The following DVL3 variants were observed in gnomAD, a reference collection of about 807,000 sequenced individuals.
DVL3 encodes segment polarity protein dishevelled homolog DVL-3.
Under a neutral mutation model 67.4 loss-of-function variants are expected in DVL3, and 27 were observed. The observed-to-expected ratio is 0.40, with a 90% CI of 0.30 to 0.55. The LOEUF (loss-of-function observed/expected upper bound fraction) is 0.55. Among genes scored for constraint, DVL3 ranks in the 20% least tolerant of loss-of-function variants. The pLI, the probability that DVL3 is intolerant of heterozygous loss-of-function variation, is 0.46. For missense variants in DVL3, 819 were observed against 1,021.5 expected (o/e 0.80, Z 2.70); for synonymous variants, 369 against 396.8 (o/e 0.93, Z 0.83).
In DVL3 at chr3:184,155,623, C is replaced by G. The variant is rs747786917; in HGVS notation, c.-13C>G. ...CAGGCCGCGCGCGGGCCGCCGGGCC[C>G]GAGGCCAGAGCCATGGGCGAGACCA... On this transcript the variant is annotated 5_prime_UTR_variant, in exon 1 of 15. Coordinates refer to ENST00000313143, the MANE Select transcript of DVL3 (RefSeq NM_004423.4). This position sits in a 1 kb window ranked among gnomAD's most constrained non-coding sequence, Gnocchi z 5.4. 7.8e-6 allele frequency: 11 copies of G among 1,409,456 alleles called. No individual in the cohort carries two copies. In the Admixed American group the frequency reaches 1.2e-4, roughly 16 times the overall value. The allele number at this position is 1,409,456 out of a possible 1,614,324, so 87.3% of individuals were successfully genotyped here.
chr3:184,162,695 G>A (rs1355380666), intron 1 of DVL3, among the ~76,000 whole-genome samples: 1 of 151,928 alleles, frequency 6.6e-6, no homozygotes, highest in African/African-American at 2.4e-5. Context: ...AAGTAGCTGG[G>A]ATCACAGGAC....
chr3:184,165,371 A>G lies in DVL3; in HGVS notation c.694-51A>G. The G allele has an allele frequency of 6.3e-7, 1 of 1,590,206 alleles. No individual in the cohort carries two copies. The highest frequency in any genetic ancestry group is 8.6e-7 in the Non-Finnish European group (1 of 1,159,408). On this transcript the variant is annotated intron_variant, in intron 6 of 14. Transcript: ENST00000313143. The surrounding 1 kb of genome is among the most constrained non-coding windows in gnomAD (Gnocchi z 4.1). Reference sequence around the variant, plus strand: ...TCACCTTGAGGAGGAGTCAGGTGGGAGTGAATTCCTGCCACCTCCACCTGC... The same window carrying G: ...TCACCTTGAGGAGGAGTCAGGTGGGGGTGAATTCCTGCCACCTCCACCTGC...
At position 184,169,863 on chromosome 3, in the gene DVL3, C is replaced by T. The variant is rs539815194; in HGVS notation, c.1499-143C>T. On this transcript the variant is annotated intron_variant, in intron 13 of 14. Transcript: ENST00000313143. ...CTCTGGTGGTGGCAAAGGGGGTCTG[C>T]AGAAGGGGGGAGCTCTCTGGGCTGT... 159 of 725,806 alleles carry T rather than the reference C, an allele frequency of 2.2e-4. 3 individuals carry two copies. In the South Asian group the frequency reaches 3.3e-3, roughly 15 times the overall value. 45.0% of individuals were successfully genotyped at this position (725,806 alleles called of 1,614,324 possible). A position where few individuals can be genotyped will look rare whatever the true frequency, so the allele number is the denominator to read the frequency against.
chr3:184,155,779 T>C lies in DVL3; in HGVS notation c.144T>C (p.Ser48=), dbSNP rs1270690518. The change falls in exon 1 of 15, where the codon TCT becomes TCC. Residue 48 remains serine, a synonymous_variant. Coordinates refer to ENST00000313143, the MANE Select transcript of DVL3 (RefSeq NM_004423.4). The surrounding 1 kb of genome is among the most constrained non-coding windows in gnomAD (Gnocchi z 5.4). ...QRPSYKFFFK[S]MDDDFGVVKE... ...CCAGCTATAAGTTCTTCTTCAAGTCTATGGACGACGATTTCGGGTGAGGAT... is the reference window on the plus strand; with the variant it reads ...CCAGCTATAAGTTCTTCTTCAAGTCCATGGACGACGATTTCGGGTGAGGAT... 4 of 1,611,060 alleles carry C rather than the reference T, an allele frequency of 2.5e-6. No individual in the cohort carries two copies. The highest frequency in any genetic ancestry group is 3.4e-6 in the Non-Finnish European group (4 of 1,178,906).
chr3:184,168,964 G>A (rs1210931871), intron 13 of DVL3, among the ~76,000 whole-genome samples: 5 of 152,152 alleles, frequency 3.3e-5, no homozygotes, highest in East Asian at 1.9e-4. Flanking sequence ...GGCTGGGAAC[G>A]GGGTGGAGAG....
At chr3:184,156,962 T>TTTTTTAATGATAC in intron 1 of DVL3, 1 of 162,464 alleles carries the variant, frequency 6.2e-6, no homozygotes, top group South Asian at 1.6e-4. Context: ...CCCAAGCCCC[T>TTTTTTAATGATAC]GGCCCACCTA....
intron 1 of DVL3, among the ~76,000 whole-genome samples, chr3:184,158,162 C>G (rs1016939350): frequency 3.3e-5 from 5 of 151,940 alleles, no homozygotes; most frequent in African/African-American, 1.2e-4. Flanking sequence ...TAGCAAGACC[C>G]CATCTCTACA....
In DVL3 at chr3:184,171,133, C is replaced by T; in HGVS notation, c.*378C>T. Reference sequence around the variant, plus strand: ...CTCACTCCCTCATTCTCTCGTTTCCCCTTTAGCTCCCTTTCACCATTTATT... The same window carrying T: ...CTCACTCCCTCATTCTCTCGTTTCCTCTTTAGCTCCCTTTCACCATTTATT... On this transcript the variant is annotated 3_prime_UTR_variant, in exon 15 of 15. Coordinates refer to ENST00000313143, the MANE Select transcript of DVL3 (RefSeq NM_004423.4). 8.5e-7 allele frequency: 1 copy of T among 1,183,276 alleles called. No individual in the cohort carries two copies. Among genetic ancestry groups the T allele is most frequent in the Non-Finnish European group, 1.1e-6 (1 of 945,540 alleles). The allele number at this position is 1,183,276 out of a possible 1,614,324, so 73.3% of individuals were successfully genotyped here.
In DVL3 at chr3:184,165,972, G is replaced by A. The variant is rs1235250014; in HGVS notation, c.764-154G>A. ...AGTCCCTACCTTATAGCCAGCAAGG[G>A]TTCCATGGAAGCATGTTTGAGCATG... On this transcript the variant is annotated intron_variant, in intron 7 of 14. Transcript: ENST00000313143. This position sits in a 1 kb window ranked among gnomAD's most constrained non-coding sequence, Gnocchi z 4.1. Among the ~76,000 whole-genome samples the A allele has an allele frequency of 6.6e-6, 1 of 152,186 alleles. No individual in the cohort carries two copies. The highest frequency in any genetic ancestry group is 2.4e-5 in the African/African-American group (1 of 41,438).
In DVL3 at chr3:184,167,581, C is replaced by G; in HGVS notation, c.1200C>G (p.Arg400=). The change falls in exon 12 of 15, where the codon CGC becomes CGG. Residue 400 remains arginine, a splice_region_variant and synonymous_variant. Transcript: ENST00000313143. The surrounding 1 kb of genome is among the most constrained non-coding windows in gnomAD (Gnocchi z 4.6). ...SITSSIPDTE[R]LDDFHLSIHS... is the part of the protein sequence containing the mutation. ...CACCATTCTGCCTCCCACCCCCAGG[C>G]CTAGACGACTTCCACTTGTCCATCC... 1 of 1,613,444 alleles carries G rather than the reference C, an allele frequency of 6.2e-7. No individual in the cohort carries two copies. The highest frequency in any genetic ancestry group is 8.5e-7 in the Non-Finnish European group (1 of 1,180,016).
At position 184,159,426 on chromosome 3, in the gene DVL3, C is replaced by T. The variant is rs1462253553; in HGVS notation, c.161+3630C>T. On this transcript the variant is annotated intron_variant, in intron 1 of 14. Transcript: ENST00000313143. ...TCACCCAGGCTGGGGTACAGTGGTG[C>T]GACCTTGGCTCACTGCAACCTCTGC... Among the ~76,000 whole-genome samples the T allele has an allele frequency of 8.2e-5, 8 of 97,754 alleles. 2 individuals are homozygous for T. The highest frequency in any genetic ancestry group is 1.8e-4 in the Non-Finnish European group (8 of 45,218). The allele number at this position is 97,754 out of a possible 152,430, so 64.1% of individuals were successfully genotyped here.
At position 184,167,332 on chromosome 3, in the gene DVL3, C is replaced by T. The variant is rs1290136984; in HGVS notation, c.1199-248C>T. On this transcript the variant is annotated intron_variant, in intron 11 of 14. Transcript: ENST00000313143. This position sits in a 1 kb window ranked among gnomAD's most constrained non-coding sequence, Gnocchi z 4.6. ...AGTAAACGGCAGCCATTTCGATTATCATCACATGCACATCGTACACTGGCC... is the reference window on the plus strand; with the variant it reads ...AGTAAACGGCAGCCATTTCGATTATTATCACATGCACATCGTACACTGGCC... Among the ~76,000 whole-genome samples the T allele has an allele frequency of 6.6e-6, 1 of 152,182 alleles. No homozygotes were observed. The highest frequency in any genetic ancestry group is 2.4e-5 in the African/African-American group (1 of 41,430).
chr3:184,155,911 C>A lies in DVL3; in HGVS notation c.161+115C>A. The A allele has an allele frequency of 1.5e-6, 2 of 1,299,436 alleles. No homozygotes were observed. Among genetic ancestry groups the A allele is most frequent in the South Asian group, 1.4e-5 (1 of 70,528 alleles). The allele number at this position is 1,299,436 out of a possible 1,614,324, so 80.5% of individuals were successfully genotyped here. ...CCGGCTCCTAGCCCCGCTCTGACTT[C>A]TAGGGGCGACTCGGCCCATTTGGGC... On this transcript the variant is annotated intron_variant, in intron 1 of 14. Coordinates refer to ENST00000313143, the MANE Select transcript of DVL3 (RefSeq NM_004423.4). This position sits in a 1 kb window ranked among gnomAD's most constrained non-coding sequence, Gnocchi z 5.4.
At position 184,163,006 on chromosome 3, in the gene DVL3, A is replaced by G. The variant is rs1714437061; in HGVS notation, c.162-651A>G. ...TGTCAAATATGCCAGGAGTACAGAG[A>G]TGGGAAGACACCCAAGTAGATGGGT... is the stretch of plus-strand genomic sequence containing the variant. On this transcript the variant is annotated intron_variant, in intron 1 of 14. Coordinates refer to ENST00000313143, the MANE Select transcript of DVL3 (RefSeq NM_004423.4). This position sits in a 1 kb window ranked among gnomAD's most constrained non-coding sequence, Gnocchi z 4.5. Among the ~76,000 whole-genome samples the G allele has an allele frequency of 6.6e-6, 1 of 152,072 alleles. No individual in the cohort carries two copies. The highest frequency in any genetic ancestry group is 1.5e-5 in the Non-Finnish European group (1 of 68,008).
chr3:184,160,025 C>T (rs754630555), intron 1 of DVL3, among the ~76,000 whole-genome samples: 29 of 151,678 alleles, frequency 1.9e-4, no homozygotes, highest in South Asian at 2.1e-4. Flanking sequence ...CTGCAAGCTC[C>T]GCCTCCTGGG....
rs374772871 is a variant in DVL3 at position 184,167,906 on chromosome 3, G to A, written c.1339G>A (p.Val447Met). The change falls in exon 13 of 15, where the codon GTG becomes ATG. Residue 447 changes from valine to methionine, a missense_variant. Val to Met is a conservative substitution (Grantham distance 21). Transcript: ENST00000313143. The surrounding 1 kb of genome is among the most constrained non-coding windows in gnomAD (Gnocchi z 4.6). ...TIPNAFIGSDVVDWLYHNVEG... is the reference protein window; with the variant it reads ...TIPNAFIGSDMVDWLYHNVEG... Reference sequence around the variant, plus strand: ...GGCAGCCTTGTCCCCAGGCTCAGATGTGGTGGACTGGCTGTACCACAATGT... The same window carrying A: ...GGCAGCCTTGTCCCCAGGCTCAGATATGGTGGACTGGCTGTACCACAATGT... 4.3e-6 allele frequency: 7 copies of A among 1,614,160 alleles called. No homozygotes were observed. In the African/African-American group the frequency reaches 8.0e-5, roughly 18 times the overall value.
rs1394822259 is a variant in DVL3 at position 184,155,832 on chromosome 3, G to A, written c.161+36G>A. The A allele has an allele frequency of 1.3e-6, 2 of 1,572,582 alleles. No individual in the cohort carries two copies. The highest frequency in any genetic ancestry group is 1.7e-6 in the Non-Finnish European group (2 of 1,160,192). Reference sequence around the variant, plus strand: ...CCCCCGCCCCGCCTCCGGGAGCCCCGGCCGCTCTGGCTTCTAAGGGATGAC... The same window carrying A: ...CCCCCGCCCCGCCTCCGGGAGCCCCAGCCGCTCTGGCTTCTAAGGGATGAC... On this transcript the variant is annotated intron_variant, in intron 1 of 14. Coordinates refer to ENST00000313143, the MANE Select transcript of DVL3 (RefSeq NM_004423.4). This position sits in a 1 kb window ranked among gnomAD's most constrained non-coding sequence, Gnocchi z 5.4.
intron 13 of DVL3, among the ~76,000 whole-genome samples, chr3:184,169,573 A>G (rs966308419): frequency 8.5e-5 from 13 of 152,120 alleles, no homozygotes; most frequent in South Asian, 2.1e-4. Flanking sequence ...TGGTGGTGCA[A>G]CCCTGTCAGG....
rs1238505281 is a variant in DVL3 at position 184,164,466 on chromosome 3, TC to T, written c.354-21del. ...GGGAGGGAGCCCCCAGCCTGCCCCC[TC>T]CCCCATCAAGTCTCTTCCCTGCAGC... On this transcript the variant is annotated intron_variant, in intron 3 of 14. Coordinates refer to ENST00000313143, the MANE Select transcript of DVL3 (RefSeq NM_004423.4). The surrounding 1 kb of genome is among the most constrained non-coding windows in gnomAD (Gnocchi z 5.3). The T allele has an allele frequency of 2.5e-6, 4 of 1,598,650 alleles. No homozygotes were observed. The highest frequency in any genetic ancestry group is 3.4e-6 in the Non-Finnish European group (4 of 1,172,354).
Sources: gnomAD v4.1 joint callset for allele counts (sites outside exome capture counted in the v4.1 genomes callset) on GRCh38, gnomAD v4.1.1 for gene constraint, Gnocchi (gnomAD v3.1) non-coding constraint, MANE v1.5 for transcripts, NCBI Gene and HGNC (gene_info 2026-07-23, HGNC 2026-07-21) for gene names.